Variants in MRTFA observed in about 807,000 individuals in gnomAD.
The protein encoded by MRTFA is myocardin related transcription factor A.
MRTFA carries 20 observed loss-of-function variants against 83.5 expected under a neutral mutation model. The observed-to-expected ratio is 0.24, with a 90% confidence interval of 0.17 to 0.35. The LOEUF (loss-of-function observed/expected upper bound fraction) is 0.35, where lower values mean the gene tolerates loss of function less well. Among genes scored for constraint, MRTFA ranks in the 10% least tolerant of loss-of-function variants. The probability of loss-of-function intolerance (pLI) is 1.00; values close to 1 mark genes in which losing one functional copy is unlikely to be tolerated. For missense variants in MRTFA, 1,200 were observed against 1,224.7 expected, an observed-to-expected ratio of 0.98 and a Z score of 0.30; for synonymous variants, 659 against 541.2, an observed-to-expected ratio of 1.22 and a Z score of -3.02.
In MRTFA at chr22:40,416,989, C is replaced by T. The variant is rs1212782726; in HGVS notation, c.2575G>A (p.Gly859Arg). Residue 859 changes from glycine to arginine, a missense_variant, in exon 14 of 15, where the codon GGA (glycine) becomes AGA (arginine). Around this residue, in one of 2 missense-constraint regions of MRTFA, gnomAD observed 1,107 missense variants for 1,041.8 expected, o/e 1.06. Coordinates refer to ENST00000355630, the MANE Select transcript of MRTFA (RefSeq NM_020831.6). The surrounding 1 kb of genome is among the most constrained non-coding windows in gnomAD (Gnocchi z 4.2). ...GCAGCAGGGGACCTGGGGTTACCTCCGCTCTGAATGAGAATGTCAAACAGG... is the reference window on the plus strand; with the variant it reads ...GCAGCAGGGGACCTGGGGTTACCTCTGCTCTGAATGAGAATGTCAAACAGG... The T allele has an allele frequency of 1.9e-6, 3 of 1,597,082 alleles. No homozygotes were observed. Among genetic ancestry groups the T allele is most frequent in the African/African-American group, 2.7e-5 (2 of 74,758 alleles).
intron 1 of MRTFA, among the ~76,000 whole-genome samples, chr22:40,610,731 A>T (rs2056377076): frequency 6.6e-6 from 1 of 152,168 alleles, no homozygotes. Context: ...TTAGATACAT[A>T]AGAAAGAAAA....
At chr22:40,609,290 C>CAA (rs56048331) in intron 1 of MRTFA, among the ~76,000 whole-genome samples, 10 of 92,618 alleles carry the variant, frequency 1.1e-4, no homozygotes, top group African/African-American at 2.5e-4. Context: ...GACTCCTTCT[C>CAA]AAAAAAAAAA....
At chr22:40,459,430 C>T (rs2053656231) in intron 4 of MRTFA, among the ~76,000 whole-genome samples, 1 of 151,916 alleles carries the variant, frequency 6.6e-6, no homozygotes, top group Non-Finnish European at 1.5e-5. Flanking sequence ...AGACTATGTC[C>T]ATAGCTGAAG....
rs531434734 is a variant in MRTFA at position 40,506,939 on chromosome 22, G to A, written c.242-43653C>T. On this transcript the variant is annotated intron_variant, in intron 3 of 14. Transcript: ENST00000355630. ...TACACCATTATTTTAATTCTTCAAT[G>A]ACCACATATAAGAAATGCTGATTCT... Among the ~76,000 whole-genome samples the A allele has an allele frequency of 2.6e-5, 4 of 152,260 alleles. No individual in the cohort carries two copies. The South Asian group carries it at 8.3e-4, about 32-fold the overall frequency.
At chr22:40,562,428 A>T (rs1283358401) in intron 2 of MRTFA, among the ~76,000 whole-genome samples, 1 of 151,532 alleles carries the variant, frequency 6.6e-6, no homozygotes, top group East Asian at 1.9e-4. Context: ...TGGAGCAGGC[A>T]GAATAATCCC....
intron 5 of MRTFA, 63 bp from the exon 6 acceptor site, chr22:40,431,543 A>AT: frequency 6.7e-7 from 1 of 1,486,728 alleles, no homozygotes; most frequent in Non-Finnish European, 9.4e-7. Flanking sequence ...CATGGACAGG[A>AT]TCACAACAGC....
intron 4 of MRTFA, among the ~76,000 whole-genome samples, chr22:40,462,328 TTTTGAATGAATGAATG>T (rs1253845101): frequency 6.6e-6 from 1 of 152,108 alleles, no homozygotes; most frequent in African/African-American, 2.4e-5. Flanking sequence ...TACTCAAAGA[TTTTGAATGAATGAATG>T]AATGAATGAA....
intron 3 of MRTFA, among the ~76,000 whole-genome samples, chr22:40,498,392 C>T (rs1005881027): frequency 1.4e-5 from 2 of 142,948 alleles, no homozygotes; most frequent in African/African-American, 5.2e-5. Context: ...TGAGATGATC[C>T]TCTCACCTCA....
intron 10 of MRTFA, 44 bp from the exon 11 acceptor site, chr22:40,420,620 T>C: frequency 6.3e-7 from 1 of 1,599,678 alleles, no homozygotes; most frequent in South Asian, 1.1e-5. Flanking sequence ...GCTTCGCCCG[T>C]GGCCTCTGCA....
At chr22:40,572,326 T>C (rs1782169543) in intron 2 of MRTFA, among the ~76,000 whole-genome samples, 1 of 152,156 alleles carries the variant, frequency 6.6e-6, no homozygotes, top group South Asian at 2.1e-4. Context: ...AATTGTACAC[T>C]TTGCCAGGTG....
In MRTFA at chr22:40,419,133, C is replaced by G; in HGVS notation, c.1605G>C (p.Thr535=). The change falls in exon 12 of 15, where the codon ACG becomes ACC. Residue 535 remains threonine, a synonymous_variant. Transcript: ENST00000355630. ...ACTTCACCACCCCACTGCTGGCCACCGTGGCCACCACCACCTCAGCTGGAG... is the reference window on the plus strand; with the variant it reads ...ACTTCACCACCCCACTGCTGGCCACGGTGGCCACCACCACCTCAGCTGGAG... 6.3e-7 allele frequency: 1 copy of G among 1,587,634 alleles called. No individual in the cohort carries two copies. The highest frequency in any genetic ancestry group is 8.6e-7 in the Non-Finnish European group (1 of 1,167,008).
At chr22:40,445,288 C>T (rs760056648) in intron 4 of MRTFA, among the ~76,000 whole-genome samples, 5 of 152,060 alleles carry the variant, frequency 3.3e-5, no homozygotes, top group Non-Finnish European at 7.4e-5. Flanking sequence ...TCTCATATAC[C>T]GTAATTTTCT....
intron 3 of MRTFA, among the ~76,000 whole-genome samples, chr22:40,477,856 A>G (rs1355719467): frequency 6.6e-6 from 1 of 152,096 alleles, no homozygotes; most frequent in African/African-American, 2.4e-5. Context: ...GGGAAACAAA[A>G]AGAAAGGGAA....
At chr22:40,444,607 G>A (rs1370721029) in intron 4 of MRTFA, among the ~76,000 whole-genome samples, 1 of 152,164 alleles carries the variant, frequency 6.6e-6, no homozygotes, top group Non-Finnish European at 1.5e-5. Flanking sequence ...GAGCCCAAAG[G>A]AAATGGCACG....
At chr22:40,535,999 C>T (rs55849114) in intron 3 of MRTFA, among the ~76,000 whole-genome samples, 1 of 151,866 alleles carries the variant, frequency 6.6e-6, no homozygotes, top group African/African-American at 2.4e-5. Context: ...AAAAGAAAAA[C>T]AATTTTTTAA....
At chr22:40,441,080 A>G (rs12160233) in intron 4 of MRTFA, among the ~76,000 whole-genome samples, 35 of 152,318 alleles carry the variant, frequency 2.3e-4, no homozygotes, top group African/African-American at 8.4e-4. Flanking sequence ...CCAAAGACCA[A>G]TGCAAAGACA....
In MRTFA at chr22:40,582,643, A is replaced by C. The variant is rs149713954; in HGVS notation, c.-22+12031T>G. 1.5e-4 allele frequency among the ~76,000 whole-genome samples: 22 copies of C among 151,006 alleles called. No homozygotes were observed. The East Asian group carries it at 3.5e-3, about 24-fold the overall frequency. On this transcript the variant is annotated intron_variant, in intron 2 of 14. Coordinates refer to ENST00000355630, the MANE Select transcript of MRTFA (RefSeq NM_020831.6). ...CTTCCTTCCATACAGCCACAGACGA[A>C]GGTTTTAACTTTATACACACATACA...
Position 40,410,585 on chromosome 22 carries a change from G to A in MRTFA, c.*805C>T, listed in dbSNP as rs1244644002. The A allele has an allele frequency of 4.3e-6, 1 of 233,228 alleles. No homozygotes were observed. The highest frequency in any genetic ancestry group is 8.5e-6 in the Non-Finnish European group (1 of 117,822). 14.4% of individuals were successfully genotyped at this position (233,228 alleles called of 1,614,324 possible). On this transcript the variant is annotated 3_prime_UTR_variant, in exon 15 of 15. Transcript: ENST00000355630. ...CCTCTGCCCTCATGGCACTGATAAGGAGCCAGGAAGCAGGGCAGGTGGGGC... is the reference window on the plus strand; with the variant it reads ...CCTCTGCCCTCATGGCACTGATAAGAAGCCAGGAAGCAGGGCAGGTGGGGC...
chr22:40,463,572 T>A, intron 3 of MRTFA: 1 of 344,624 alleles, frequency 2.9e-6, no homozygotes. Flanking sequence ...AAACACTGAG[T>A]CCTCCTCCTA....
Sources: gnomAD v4.1 joint callset for allele counts (sites outside exome capture counted in the v4.1 genomes callset) on GRCh38, gnomAD v4.1.1 for gene constraint, gnomAD v4.1.1 regional missense constraint, Gnocchi (gnomAD v3.1) non-coding constraint, MANE v1.5 for transcripts, NCBI Gene and HGNC (gene_info 2026-07-23, HGNC 2026-07-21) for gene names.